PPARA: variants seen among roughly 807,000 people sequenced by gnomAD.
PPARA encodes the protein peroxisome proliferator-activated receptor alpha.
In PPARA, 22 loss-of-function variants were observed where a neutral mutation model predicts 42.2. That is an observed-to-expected ratio of 0.52 (90% CI 0.37 to 0.74). The LOEUF is 0.74. Ranked by LOEUF, PPARA falls within the 30% of genes least tolerant of loss-of-function variation. The probability of loss-of-function intolerance (pLI) is 0.00; values close to 1 mark genes in which losing one functional copy is unlikely to be tolerated. For missense variants in PPARA, 465 were observed against 608.2 expected, an observed-to-expected ratio of 0.76 and a Z score of 2.48; for synonymous variants, 242 against 239.3, an observed-to-expected ratio of 1.01 and a Z score of -0.10.
Position 46,235,181 on chromosome 22 carries a change from G to T in PPARA, c.1208G>T (p.Gly403Val), listed in dbSNP as rs1190259697. 6.2e-7 allele frequency: 1 copy of T among 1,613,764 alleles called. No homozygotes were observed. The highest frequency in any genetic ancestry group is 8.5e-7 in the Non-Finnish European group (1 of 1,179,730). Residue 403 changes from glycine to valine, a missense_variant, in exon 9 of 9, where the codon GGT becomes GTT. Transcript: ENST00000407236. This position sits in a 1 kb window ranked among gnomAD's most constrained non-coding sequence, Gnocchi z 7.0. ...NVGHIEKMQEGIVHVLRLHLQ... is the reference protein window; with the variant it reads ...NVGHIEKMQEVIVHVLRLHLQ... Reference sequence around the variant, plus strand: ...GGACACATTGAAAAAATGCAGGAGGGTATTGTACATGTGCTCAGACTCCAC... The same window carrying T: ...GGACACATTGAAAAAATGCAGGAGGTTATTGTACATGTGCTCAGACTCCAC...
chr22:46,194,219 C>T (rs1931925662), intron 3 of PPARA, among the ~76,000 whole-genome samples: 1 of 152,202 alleles, frequency 6.6e-6, no homozygotes, highest in South Asian at 2.1e-4. Context: ...CAGCCAGTCC[C>T]TCTGGCCAGA....
At chr22:46,186,362 G>A (rs1017480479) in intron 3 of PPARA, among the ~76,000 whole-genome samples, 2 of 152,058 alleles carry the variant, frequency 1.3e-5, no homozygotes, top group Non-Finnish European at 2.9e-5. Flanking sequence ...GGGTGTATTT[G>A]TGCAACACAC....
Position 46,237,099 on chromosome 22 carries a change from C to T in PPARA, c.*1719C>T, listed in dbSNP as rs1006789641. ...GTCGCTGGGCACCTGGAGGTATCGT[C>T]GATGCCTCTCCCCCATCTTTAGAAA... On this transcript the variant is annotated 3_prime_UTR_variant, in exon 9 of 9. Coordinates refer to ENST00000407236, the MANE Select transcript of PPARA (RefSeq NM_005036.6). This position sits in a 1 kb window ranked among gnomAD's most constrained non-coding sequence, Gnocchi z 6.7. 4.6e-5 allele frequency: 7 copies of T among 152,066 alleles called. No homozygotes were observed. Among genetic ancestry groups the T allele is most frequent in the East Asian group, 1.9e-4 (1 of 5,186 alleles). The allele number at this position is 152,066 out of a possible 1,614,324, so 9.4% of individuals were successfully genotyped here.
In PPARA at chr22:46,222,617, A is replaced by G. The variant is rs1935092039; in HGVS notation, c.711+2603A>G. Among the ~76,000 whole-genome samples, 1 of 152,222 alleles carries G rather than the reference A, an allele frequency of 6.6e-6. No homozygotes were observed. The highest frequency in any genetic ancestry group is 6.5e-5 in the Admixed American group (1 of 15,280). ...TTTCCTGGATTACGAGAGTGAAAGA[A>G]AAGGTAACTTTTAGCTTCGAGTCTC... On this transcript the variant is annotated intron_variant, in intron 7 of 8. Coordinates refer to ENST00000407236, the MANE Select transcript of PPARA (RefSeq NM_005036.6). This position sits in a 1 kb window ranked among gnomAD's most constrained non-coding sequence, Gnocchi z 5.9.
Position 46,235,077 on chromosome 22 carries a change from A to G in PPARA, c.1160-56A>G, listed in dbSNP as rs1023014549. On this transcript the variant is annotated intron_variant, in intron 8 of 8. Transcript: ENST00000407236. This position sits in a 1 kb window ranked among gnomAD's most constrained non-coding sequence, Gnocchi z 7.0. ...GGCATGTTTGGTTCCTGAAACTGAT[A>G]AGCAGTTCTTGGGTGATTATCACAC... 2 of 1,611,014 alleles carry G rather than the reference A, an allele frequency of 1.2e-6. No homozygotes were observed. The highest frequency in any genetic ancestry group is 1.7e-6 in the Non-Finnish European group (2 of 1,177,320).
chr22:46,202,746 C>A (rs1419484925), intron 4 of PPARA, among the ~76,000 whole-genome samples: 2 of 149,230 alleles, frequency 1.3e-5, no homozygotes, highest in Non-Finnish European at 3.0e-5. Flanking sequence ...GCCTGTAATC[C>A]CGGCTACTCA....
rs1016843182 is a variant in PPARA, at chr22:46,171,267, G to A, written c.-126-5486G>A. Reference sequence around the variant, plus strand: ...GAGTTCAAGGCTTGCTAGGGGACATGAAGAGAAGATTCGTGCATTCTAGTT... The same window carrying A: ...GAGTTCAAGGCTTGCTAGGGGACATAAAGAGAAGATTCGTGCATTCTAGTT... On this transcript the variant is annotated intron_variant, in intron 2 of 8. Coordinates refer to ENST00000407236, the MANE Select transcript of PPARA (RefSeq NM_005036.6). The surrounding 1 kb of genome is among the most constrained non-coding windows in gnomAD (Gnocchi z 5.0). The A allele has an allele frequency of 3.9e-5, 6 of 152,318 alleles. No homozygotes were observed. The highest frequency in any genetic ancestry group is 1.4e-4 in the African/African-American group (6 of 41,470). The allele number at this position is 152,318 out of a possible 1,614,324, so 9.4% of individuals were successfully genotyped here. A position where few individuals can be genotyped will look rare whatever the true frequency, so the allele number is the denominator to read the frequency against.
chr22:46,157,902 A>G (rs948680694), intron 2 of PPARA, among the ~76,000 whole-genome samples: 1 of 144,922 alleles, frequency 6.9e-6, no homozygotes, highest in African/African-American at 2.7e-5. Flanking sequence ...GAAGATTTCT[A>G]TTCAGATTTA....
intron 4 of PPARA, among the ~76,000 whole-genome samples, chr22:46,206,397 G>A (rs1278016574): frequency 6.6e-6 from 1 of 152,184 alleles, no homozygotes; most frequent in Non-Finnish European, 1.5e-5. Flanking sequence ...TTATAGGCGT[G>A]AGCCACCGCA....
chr22:46,209,872 T>A (rs1259518326), intron 4 of PPARA, among the ~76,000 whole-genome samples: 1 of 152,008 alleles, frequency 6.6e-6, no homozygotes, highest in Non-Finnish European at 1.5e-5. Flanking sequence ...CAGCCTCCTA[T>A]GTAGCTGGGA....
rs367945953 is a variant in PPARA, at chr22:46,198,423, C to T, written c.40C>T (p.Leu14Phe). 1.6e-5 allele frequency: 26 copies of T among 1,613,796 alleles called. No homozygotes were observed. Among genetic ancestry groups the T allele is most frequent in the Non-Finnish European group, 2.0e-5 (24 of 1,179,972 alleles). ...AAGCCCACTCTGCCCCCTCTCCCCA[C>T]TCGAGGCCGGCGATCTAGAGAGCCC... ...TESPLCPLSP[L>F]EAGDLESPLS... Residue 14 changes from leucine (L) to phenylalanine (F), a missense_variant, in exon 4 of 9, where the codon CTC becomes TTC. Transcript: ENST00000407236.
At position 46,150,750 on chromosome 22, in the gene PPARA, A is replaced by G. The variant is rs1343038175; in HGVS notation, c.-210+98A>G. ...GGACCCGGAGGGCGGCGGACGGGGG[A>G]GGGGCAGGGGCTGGGCGGCGCATGC... On this transcript the variant is annotated intron_variant, in intron 1 of 8. Coordinates refer to ENST00000407236, the MANE Select transcript of PPARA (RefSeq NM_005036.6). This position sits in a 1 kb window ranked among gnomAD's most constrained non-coding sequence, Gnocchi z 7.5. The G allele has an allele frequency of 3.1e-5, 3 of 96,422 alleles. No homozygotes were observed. Among genetic ancestry groups the G allele is most frequent in the Admixed American group, 9.6e-5 (1 of 10,404 alleles). 6.0% of individuals were successfully genotyped at this position (96,422 alleles called of 1,614,324 possible).
intron 4 of PPARA, among the ~76,000 whole-genome samples, chr22:46,199,495 T>G (rs538791253): frequency 3.4e-4 from 52 of 151,960 alleles, no homozygotes; most frequent in African/African-American, 1.2e-3. Context: ...TTAAAAAAAA[T>G]TAGCCAGGCA....
chr22:46,227,402 C>T lies in PPARA; in HGVS notation c.712-4390C>T, dbSNP rs545460375. ...AAGTAGCTGGGATTACAGGTGCCAG[C>T]CACCACACCCGACTAATTTTTGTAT... On this transcript the variant is annotated intron_variant, in intron 7 of 8. Transcript: ENST00000407236. The surrounding 1 kb of genome is among the most constrained non-coding windows in gnomAD (Gnocchi z 4.3). Among the ~76,000 whole-genome samples, 4 of 152,276 alleles carry T rather than the reference C, an allele frequency of 2.6e-5. No homozygotes were observed. The South Asian group carries it at 8.3e-4, about 32-fold the overall frequency.
Position 46,191,183 on chromosome 22 carries a change from G to T in PPARA, c.-42-7159G>T, listed in dbSNP as rs895144566. 6.6e-6 allele frequency among the ~76,000 whole-genome samples: 1 copy of T among 152,168 alleles called. No individual in the cohort carries two copies. Among genetic ancestry groups the T allele is most frequent in the Non-Finnish European group, 1.5e-5 (1 of 68,040 alleles). The stretch of plus-strand genomic sequence containing the variant: ...CACTCCAGCCTGGGTGACAGAGTGA[G>T]ACTGCATCTATAAAAACAACAACAA... On this transcript the variant is annotated intron_variant, in intron 3 of 8. Coordinates refer to ENST00000407236, the MANE Select transcript of PPARA (RefSeq NM_005036.6). This position sits in a 1 kb window ranked among gnomAD's most constrained non-coding sequence, Gnocchi z 4.6.
Position 46,156,063 on chromosome 22 carries a change from C to A in PPARA, c.-127+4093C>A, listed in dbSNP as rs538378520. 14 of 152,334 alleles carry A rather than the reference C, an allele frequency of 9.2e-5. No homozygotes were observed. The South Asian group carries it at 1.7e-3, about 18-fold the overall frequency. 9.4% of individuals were successfully genotyped at this position (152,334 alleles called of 1,614,324 possible). The stretch of plus-strand genomic sequence containing the variant: ...TGAAAAGAAAAGAACTTACTCCTTG[C>A]CAGGTCTCAACCTATCATGGTTATC... On this transcript the variant is annotated intron_variant, in intron 2 of 8. Coordinates refer to ENST00000407236, the MANE Select transcript of PPARA (RefSeq NM_005036.6). This position sits in a 1 kb window ranked among gnomAD's most constrained non-coding sequence, Gnocchi z 5.2.
At chr22:46,181,588 T>C (rs1163839704) in intron 3 of PPARA, among the ~76,000 whole-genome samples, 1 of 151,838 alleles carries the variant, frequency 6.6e-6, no homozygotes, top group Non-Finnish European at 1.5e-5. Context: ...AATTAAGTTG[T>C]CCCCCCCAAA....
chr22:46,239,817 G>T lies in PPARA; in HGVS notation c.*4437G>T. ...GTCTGTCTCCTCTGAACTTGCACCT[G>T]GGCCTCTCTGTGTTTGGTTCCAAGC... is the stretch of plus-strand genomic sequence containing the variant. On this transcript the variant is annotated 3_prime_UTR_variant, in exon 9 of 9. Transcript: ENST00000407236. The T allele has an allele frequency of 5.2e-6, 1 of 192,574 alleles. No homozygotes were observed. Among genetic ancestry groups the T allele is most frequent in the Non-Finnish European group, 1.0e-5 (1 of 95,270 alleles). 11.9% of individuals were successfully genotyped at this position (192,574 alleles called of 1,614,324 possible).
Position 46,230,797 on chromosome 22 carries a change from C to T in PPARA, c.712-995C>T, listed in dbSNP as rs1935813589. Among the ~76,000 whole-genome samples, 1 of 152,196 alleles carries T rather than the reference C, an allele frequency of 6.6e-6. No individual in the cohort carries two copies. Among genetic ancestry groups the T allele is most frequent in the Non-Finnish European group, 1.5e-5 (1 of 68,042 alleles). On this transcript the variant is annotated intron_variant, in intron 7 of 8. Transcript: ENST00000407236. The surrounding 1 kb of genome is among the most constrained non-coding windows in gnomAD (Gnocchi z 5.0). The stretch of plus-strand genomic sequence containing the variant: ...ACTTTATCCCTAAAGAGTTTCACAA[C>T]GCTTGTTTGCCGATTTCTACATAGA...
Sources: gnomAD v4.1 joint callset for allele counts (sites outside exome capture counted in the v4.1 genomes callset) on GRCh38, gnomAD v4.1.1 for gene constraint, Gnocchi (gnomAD v3.1) non-coding constraint, MANE v1.5 for transcripts, NCBI Gene and HGNC (gene_info 2026-07-23, HGNC 2026-07-21) for gene names.